Variants in PTPRG observed in about 807,000 individuals in gnomAD.
The protein encoded by PTPRG is receptor-type tyrosine-protein phosphatase gamma.
In PTPRG, 102 loss-of-function variants were observed where a neutral mutation model predicts 165.3. The observed-to-expected ratio is 0.62, with a 90% CI of 0.53 to 0.73. The LOEUF (loss-of-function observed/expected upper bound fraction) is 0.73, where lower values mean the gene tolerates loss of function less well. PTPRG is among the 30% of genes least tolerant of loss of function. The probability of loss-of-function intolerance (pLI) is 0.00; values close to 1 mark genes in which losing one functional copy is unlikely to be tolerated. For synonymous variants in PTPRG, 675 were observed against 669.5 expected (o/e 1.01, Z -0.13); for missense variants, 1,866 against 1,861.4 (o/e 1.00, Z -0.05).
chr3:61,686,825 A>G (rs540169046), intron 1 of PTPRG, among the ~76,000 whole-genome samples: 13 of 152,264 alleles, frequency 8.5e-5, no homozygotes, highest in South Asian at 6.2e-4. Context: ...AGGGCGTACA[A>G]CGGTATTTAG....
chr3:62,106,228 G>A (rs1253375927), intron 5 of PTPRG, among the ~76,000 whole-genome samples: 2 of 152,264 alleles, frequency 1.3e-5, no homozygotes, highest in East Asian at 3.9e-4. Context: ...CCTAGAGAAG[G>A]TTGGGGAGGG....
intron 10 of PTPRG, among the ~76,000 whole-genome samples, chr3:62,199,614 G>A (rs1049402155): frequency 1.3e-5 from 2 of 152,140 alleles, no homozygotes; most frequent in Non-Finnish European, 2.9e-5. Context: ...GAAGTTTGCA[G>A]GCCAAACAAA....
intron 2 of PTPRG, among the ~76,000 whole-genome samples, chr3:61,971,255 A>G (rs1225237507): frequency 2.0e-5 from 3 of 152,074 alleles, no homozygotes; most frequent in Non-Finnish European, 2.9e-5. Context: ...GGGTTTCACC[A>G]TGTTGGCCAA....
At chr3:62,100,011 C>G (rs1236095310) in intron 5 of PTPRG, among the ~76,000 whole-genome samples, 1 of 151,890 alleles carries the variant, frequency 6.6e-6, no homozygotes, top group Admixed American at 6.6e-5. Context: ...GTTGACCAGG[C>G]TGGTCTTGAA....
At chr3:62,160,933 C>G (rs897923458) in intron 7 of PTPRG, among the ~76,000 whole-genome samples, 1 of 143,340 alleles carries the variant, frequency 7.0e-6, no homozygotes, top group Non-Finnish European at 1.5e-5. Flanking sequence ...ATTGCATGAC[C>G]CTTTTTAACC....
intron 2 of PTPRG, among the ~76,000 whole-genome samples, chr3:61,861,996 A>G (rs1021268005): frequency 1.3e-5 from 2 of 152,146 alleles, no homozygotes; most frequent in African/African-American, 4.8e-5. Context: ...ATCATCATGT[A>G]ATAATACAGG....
chr3:61,810,762 A>G (rs1461039189), intron 2 of PTPRG, among the ~76,000 whole-genome samples: 2 of 152,204 alleles, frequency 1.3e-5, no homozygotes, highest in Admixed American at 1.3e-4. Flanking sequence ...ATTAGAATGA[A>G]TAGGCATTTT....
At chr3:61,794,743 G>T (rs188907797) in intron 2 of PTPRG, among the ~76,000 whole-genome samples, 6 of 152,032 alleles carry the variant, frequency 3.9e-5, no homozygotes, top group Admixed American at 3.3e-4. Context: ...GAAGATTTTC[G>T]TTTGAAAGCT....
Position 61,672,207 on chromosome 3 carries a change from C to T in PTPRG, c.86-76671C>T, listed in dbSNP as rs1335177694. ...CCTCACTTCCTAGATGGGATGGCGGCCGGGCAGAGACGCTCCTCACTTTCC... is the reference window on the plus strand; with the variant it reads ...CCTCACTTCCTAGATGGGATGGCGGTCGGGCAGAGACGCTCCTCACTTTCC... On this transcript the variant is annotated intron_variant, in intron 1 of 29. Transcript: ENST00000474889. 5.2e-5 allele frequency among the ~76,000 whole-genome samples: 7 copies of T among 133,566 alleles called. No individual in the cohort carries two copies. The East Asian group carries it at 1.6e-3, about 31-fold the overall frequency. 87.6% of individuals were successfully genotyped at this position (133,566 alleles called of 152,430 possible). A position where few individuals can be genotyped will look rare whatever the true frequency, so the allele number is the denominator to read the frequency against.
intron 1 of PTPRG, among the ~76,000 whole-genome samples, chr3:61,748,344 A>G (rs896154178): frequency 3.3e-5 from 5 of 152,178 alleles, no homozygotes; most frequent in African/African-American, 1.2e-4. Flanking sequence ...GGGGCCAGTT[A>G]CTTTGTGTCT....
chr3:62,197,054 G>C (rs1699981697), intron 10 of PTPRG, among the ~76,000 whole-genome samples: 1 of 152,210 alleles, frequency 6.6e-6, no homozygotes, highest in Admixed American at 6.5e-5. Flanking sequence ...CTGGGAGCTG[G>C]CAGGCACTGT....
chr3:61,773,442 AGGGATGCTGT>A (rs2034272895), intron 2 of PTPRG, among the ~76,000 whole-genome samples: 1 of 152,220 alleles, frequency 6.6e-6, no homozygotes, highest in African/African-American at 2.4e-5. Context: ...GAAAACTTTC[AGGGATGCTGT>A]GGATTTGGAA....
intron 5 of PTPRG, among the ~76,000 whole-genome samples, chr3:62,094,096 A>T (rs940594294): frequency 7.2e-5 from 11 of 152,172 alleles, no homozygotes; most frequent in Non-Finnish European, 2.9e-5. Flanking sequence ...CAACTGACAA[A>T]TGAAACCAAG....
intron 2 of PTPRG, among the ~76,000 whole-genome samples, chr3:61,754,720 A>G (rs1044942564): frequency 2.6e-5 from 4 of 152,192 alleles, no homozygotes; most frequent in Non-Finnish European, 5.9e-5. Flanking sequence ...TTAAATAACA[A>G]GCTCCCCTGG....
At chr3:61,932,899 GGAA>G (rs2039395317) in intron 2 of PTPRG, among the ~76,000 whole-genome samples, 4 of 152,278 alleles carry the variant, frequency 2.6e-5, no homozygotes, top group Admixed American at 1.3e-4. Flanking sequence ...AGAGCCTTGA[GGAA>G]GACTAATCTG....
In PTPRG at chr3:61,989,609, T is replaced by A. The variant is rs2040835381; in HGVS notation, c.191-16T>A. On this transcript the variant is annotated splice_polypyrimidine_tract_variant and intron_variant, in intron 2 of 29. Coordinates refer to ENST00000474889, the MANE Select transcript of PTPRG (RefSeq NM_002841.4). ...CCTTGAACCATGAGGATTGAAGTGTTGTCTTCTTTCAACAGGTGCCTATGG... is the reference window on the plus strand; with the variant it reads ...CCTTGAACCATGAGGATTGAAGTGTAGTCTTCTTTCAACAGGTGCCTATGG... 6.2e-7 allele frequency: 1 copy of A among 1,609,792 alleles called. No homozygotes were observed. The highest frequency in any genetic ancestry group is 8.5e-7 in the Non-Finnish European group (1 of 1,178,184).
At chr3:62,230,777 G>A (rs900923760) in intron 13 of PTPRG, among the ~76,000 whole-genome samples, 3 of 152,216 alleles carry the variant, frequency 2.0e-5, no homozygotes, top group Non-Finnish European at 4.4e-5. Flanking sequence ...CCCGAAATGT[G>A]TCTAATGGCA....
intron 10 of PTPRG, among the ~76,000 whole-genome samples, chr3:62,200,986 T>G (rs1455729577): frequency 1.3e-5 from 2 of 152,302 alleles, no homozygotes; most frequent in East Asian, 3.9e-4. Flanking sequence ...CGATTCCAGT[T>G]AAATCAAGTT....
intron 2 of PTPRG, among the ~76,000 whole-genome samples, chr3:61,817,172 AAT>A (rs1021434446): frequency 8.2e-6 from 1 of 122,074 alleles, no homozygotes; most frequent in Non-Finnish European, 1.6e-5. Flanking sequence ...AATATATAAT[AAT>A]ATATAATATA....
Sources: allele counts gnomAD v4.1 joint callset (sites outside exome capture counted in the v4.1 genomes callset), GRCh38; gene constraint gnomAD v4.1.1; transcripts MANE v1.5; gene names NCBI Gene and HGNC (gene_info 2026-07-23, HGNC 2026-07-21).